The following AGPAT3 variants were observed in gnomAD, a reference collection of about 807,000 sequenced individuals.
The protein encoded by AGPAT3 is 1-acyl-sn-glycerol-3-phosphate acyltransferase gamma.
AGPAT3 carries 5 observed loss-of-function variants against 47.3 expected under a neutral mutation model. The observed-to-expected ratio is 0.11, with a 90% CI of 0.06 to 0.22. The LOEUF is 0.22. AGPAT3 is among the 10% of genes least tolerant of loss of function. The probability of loss-of-function intolerance (pLI) is 1.00; values close to 1 mark genes in which losing one functional copy is unlikely to be tolerated. For synonymous variants in AGPAT3, 212 were observed against 208.3 expected (o/e 1.02, Z -0.15); for missense variants, 315 against 493.0 (o/e 0.64, Z 3.42).
chr21:43,878,118 G>A (rs527698487), intron 1 of AGPAT3, among the ~76,000 whole-genome samples: 6 of 151,774 alleles, frequency 4.0e-5, no homozygotes, highest in Admixed American at 1.3e-4. Flanking sequence ...GCCCCCACCC[G>A]TGATGACGCC....
At chr21:43,969,404 T>G in intron 5 of AGPAT3, 125 bp downstream of exon 5, 10 of 1,262,790 alleles carry the variant, frequency 7.9e-6, no homozygotes, top group Non-Finnish European at 1.1e-5. Context: ...GGGTGCTGTT[T>G]CCATGGGGCC....
chr21:43,865,886 A>G (rs1269327187), intron 1 of AGPAT3, among the ~76,000 whole-genome samples: 1 of 151,362 alleles, frequency 6.6e-6, no homozygotes, highest in Non-Finnish European at 1.5e-5. Flanking sequence ...GAGCAGTTTC[A>G]CTTTTGCCGC....
chr21:43,935,472 CCA>C (rs2087413323), intron 2 of AGPAT3, among the ~76,000 whole-genome samples: 1 of 152,236 alleles, frequency 6.6e-6, no homozygotes, highest in African/African-American at 2.4e-5. Context: ...CACAATGTCC[CCA>C]CAGTTTTTAC....
At chr21:43,944,398 C>T (rs1156797592) in intron 2 of AGPAT3, among the ~76,000 whole-genome samples, 2 of 152,204 alleles carry the variant, frequency 1.3e-5, no homozygotes, top group Admixed American at 6.5e-5. Context: ...AACAGCGTGG[C>T]CTGTACATCC....
intron 3 of AGPAT3, chr21:43,960,649 C>T: frequency 1.5e-6 from 1 of 679,156 alleles, no homozygotes; most frequent in Middle Eastern, 7.6e-4. Flanking sequence ...AAACTAGAAG[C>T]AACCCAAGCA....
At chr21:43,978,550 C>T (rs2089711157) in intron 8 of AGPAT3, among the ~76,000 whole-genome samples, 2 of 152,240 alleles carry the variant, frequency 1.3e-5, no homozygotes, top group Non-Finnish European at 2.9e-5. Context: ...CTCAAGCAAT[C>T]TTCTGGCCTC....
intron 2 of AGPAT3, among the ~76,000 whole-genome samples, chr21:43,943,641 G>T (rs73226947): frequency 0.27 from 41,715 of 152,036 alleles, 6,836 homozygotes; most frequent in South Asian, 0.38. Flanking sequence ...GGGGCACCTC[G>T]GTTCCCTGCG....
chr21:43,891,919 C>A (rs8132428), intron 1 of AGPAT3, among the ~76,000 whole-genome samples: 125,560 of 152,112 alleles, frequency 0.83, 52,052 homozygotes, highest in African/African-American at 0.9. Context: ...GAAGGTTTTC[C>A]ATTTACTTTG....
At position 43,969,222 on chromosome 21, in the gene AGPAT3, C is replaced by T; in HGVS notation, c.453C>T (p.Asp151=). 6.2e-7 allele frequency: 1 copy of T among 1,614,222 alleles called. No homozygotes were observed. The change falls in exon 5 of 10, where the codon GAC becomes GAT. Residue 151 remains aspartate (D), a synonymous_variant. Transcript: ENST00000291572. The stretch of plus-strand genomic sequence containing the variant: ...TCTGCAAGCGGAAGTGGGAGGAGGA[C>T]CGGGACACCGTGGTCGAAGGGCTGA... ...IVFCKRKWEE[D]RDTVVEGLRR...
chr21:43,955,269 C>T lies in AGPAT3; in HGVS notation c.-48-4365C>T. On this transcript the variant is annotated intron_variant, in intron 2 of 9. Transcript: ENST00000291572. The surrounding 1 kb of genome is among the most constrained non-coding windows in gnomAD (Gnocchi z 4.1). ...TAAATTAACCTATAGAGCTGGAAAG[C>T]TGACCTGCATTGTCAGGCTGGGTGG... is the stretch of plus-strand genomic sequence containing the variant. 4 of 1,171,982 alleles carry T rather than the reference C, an allele frequency of 3.4e-6. No homozygotes were observed. The highest frequency in any genetic ancestry group is 4.3e-6 in the Non-Finnish European group (4 of 922,058). The allele number at this position is 1,171,982 out of a possible 1,614,324, so 72.6% of individuals were successfully genotyped here. A position where few individuals can be genotyped will look rare whatever the true frequency, so the allele number is the denominator to read the frequency against.
chr21:43,923,434 G>A (rs1280422980), intron 2 of AGPAT3, among the ~76,000 whole-genome samples: 3 of 152,340 alleles, frequency 2.0e-5, no homozygotes, highest in South Asian at 4.1e-4. Flanking sequence ...CGTGAGATGC[G>A]TGGATGTTTC....
At position 43,984,694 on chromosome 21, in the gene AGPAT3, G is replaced by T. The variant is rs1428704812; in HGVS notation, c.*2302G>T. On this transcript the variant is annotated 3_prime_UTR_variant, in exon 10 of 10. Coordinates refer to ENST00000291572, the MANE Select transcript of AGPAT3 (RefSeq NM_020132.5). ...ATGAATGTTTGAATTTTTTTTTTTT[G>T]GGGGGGGGAGGGTGGATTTTGCTTT... The T allele has an allele frequency of 5.6e-4, 84 of 151,302 alleles. 2 individuals carry two copies. In the South Asian group the frequency reaches 5.6e-3, roughly 10 times the overall value. 9.4% of individuals were successfully genotyped at this position (151,302 alleles called of 1,614,324 possible).
intron 2 of AGPAT3, among the ~76,000 whole-genome samples, chr21:43,953,760 A>G (rs1247456956): frequency 6.6e-6 from 1 of 152,222 alleles, no homozygotes; most frequent in East Asian, 1.9e-4. Context: ...GGAGAGAAAG[A>G]AAAACACTAT....
In AGPAT3 at chr21:43,981,198, C is replaced by T. The variant is rs1386447214; in HGVS notation, c.1042+11C>T. On this transcript the variant is annotated intron_variant, in intron 9 of 9. Transcript: ENST00000291572. The surrounding 1 kb of genome is among the most constrained non-coding windows in gnomAD (Gnocchi z 5.3). Reference sequence around the variant, plus strand: ...GGTTTGTGGGAGCAGGTAATGGACACTGTCGCTAACAGCTCACACTCTGAC... The same window carrying T: ...GGTTTGTGGGAGCAGGTAATGGACATTGTCGCTAACAGCTCACACTCTGAC... 21 of 1,613,618 alleles carry T rather than the reference C, an allele frequency of 1.3e-5. No homozygotes were observed. In the East Asian group the frequency reaches 4.0e-4, roughly 31 times the overall value.
At chr21:43,888,497 A>G (rs2145911828) in intron 1 of AGPAT3, among the ~76,000 whole-genome samples, 1 of 152,334 alleles carries the variant, frequency 6.6e-6, no homozygotes, top group South Asian at 2.1e-4. Flanking sequence ...TACCTGTGGA[A>G]CAGACCTGCA....
intron 3 of AGPAT3, among the ~76,000 whole-genome samples, chr21:43,962,778 A>G (rs975962432): frequency 2.0e-5 from 3 of 152,242 alleles, no homozygotes; most frequent in African/African-American, 7.2e-5. Context: ...GGCAAACGAA[A>G]GTACACTCTG....
In AGPAT3 at chr21:43,920,961, A is replaced by C. The variant is rs898548745; in HGVS notation, c.-49+16942A>C. On this transcript the variant is annotated intron_variant, in intron 2 of 9. Transcript: ENST00000291572. The surrounding 1 kb of genome is among the most constrained non-coding windows in gnomAD (Gnocchi z 6.1). ...ACCCCATATCTACTAAAAATACAAA[A>C]ACTTAGCCGGGCGTGGTGGCGGGCA... 2.0e-5 allele frequency among the ~76,000 whole-genome samples: 3 copies of C among 152,082 alleles called. No homozygotes were observed. Among genetic ancestry groups the C allele is most frequent in the Admixed American group, 6.5e-5 (1 of 15,270 alleles).
chr21:43,977,969 C>T (rs2089683257), intron 7 of AGPAT3, 77 bp from the exon 8 acceptor site: 2 of 1,204,450 alleles, frequency 1.7e-6, no homozygotes, highest in Non-Finnish European at 2.4e-6. Context: ...TGGCACACGA[C>T]ATGTTCCCCT....
rs917599812 is a variant in AGPAT3 at position 43,982,900 on chromosome 21, G to T, written c.*508G>T. On this transcript the variant is annotated 3_prime_UTR_variant, in exon 10 of 10. Coordinates refer to ENST00000291572, the MANE Select transcript of AGPAT3 (RefSeq NM_020132.5). This position sits in a 1 kb window ranked among gnomAD's most constrained non-coding sequence, Gnocchi z 6.2. ...CACCTTGGCTCCCAGTGGGGGCCCC[G>T]TGGAGGGCGCCCGTAGTGATAAGCA... 3 of 155,308 alleles carry T rather than the reference G, an allele frequency of 1.9e-5. No individual in the cohort carries two copies. Among genetic ancestry groups the T allele is most frequent in the African/African-American group, 7.2e-5 (3 of 41,448 alleles). The allele number at this position is 155,308 out of a possible 1,614,324, so 9.6% of individuals were successfully genotyped here.
Sources: gnomAD v4.1 joint callset for allele counts (sites outside exome capture counted in the v4.1 genomes callset) on GRCh38, gnomAD v4.1.1 for gene constraint, Gnocchi (gnomAD v3.1) non-coding constraint, MANE v1.5 for transcripts, NCBI Gene and HGNC (gene_info 2026-07-23, HGNC 2026-07-21) for gene names.